Variants in SOX6 observed in about 807,000 individuals in gnomAD.
SOX6 encodes SRY-box transcription factor 6.
SOX6 carries 11 observed loss-of-function variants against 97.8 expected under a neutral mutation model. The ratio of observed to expected loss-of-function variants is 0.11; its 90% CI spans 0.07 to 0.19. The LOEUF (loss-of-function observed/expected upper bound fraction) is 0.19. Ranked by LOEUF, SOX6 falls within the 10% of genes least tolerant of loss-of-function variation. SOX6 has a pLI of 1.00. For missense variants in SOX6, 810 were observed against 1,039.5 expected (o/e 0.78, Z 3.04); for synonymous variants, 360 against 371.4 (o/e 0.97, Z 0.35).
chr11:16,347,808 A>T (rs1856810326), intron 1 of SOX6, among the ~76,000 whole-genome samples: 1 of 152,148 alleles, frequency 6.6e-6, no homozygotes. Flanking sequence ...CCAGAAAAAA[A>T]GAGAAAAATG....
intron 3 of SOX6, among the ~76,000 whole-genome samples, chr11:16,251,094 C>T (rs117977471): frequency 1.3e-5 from 2 of 151,986 alleles, no homozygotes; most frequent in Admixed American, 6.6e-5. Context: ...ATATTTCAAA[C>T]TGAGTTATAA....
intron 4 of SOX6, among the ~76,000 whole-genome samples, chr11:16,199,472 C>T (rs1218339575): frequency 6.6e-6 from 1 of 152,086 alleles, no homozygotes; most frequent in Non-Finnish European, 1.5e-5. Context: ...AGCTATGATT[C>T]CTAAGCCAGT....
At chr11:16,317,297 T>C (rs1855780885) in intron 3 of SOX6, 1 of 151,380 alleles carries the variant, frequency 6.6e-6, no homozygotes, top group Non-Finnish European at 1.5e-5. Context: ...TGTATAAGTT[T>C]ATAGTTAATA....
chr11:16,372,563 A>G (rs1857519447), intron 1 of SOX6, among the ~76,000 whole-genome samples: 1 of 152,220 alleles, frequency 6.6e-6, no homozygotes, highest in South Asian at 2.1e-4. Context: ...CTTCTCCAAA[A>G]CACCATTCAC....
At chr11:16,102,319 CT>C (rs1848968587) in intron 7 of SOX6, among the ~76,000 whole-genome samples, 1 of 151,840 alleles carries the variant, frequency 6.6e-6, no homozygotes, top group African/African-American at 2.4e-5. Flanking sequence ...ATATACCTAA[CT>C]AAAGATGTGA....
chr11:16,263,576 G>A (rs1385877417), intron 3 of SOX6, among the ~76,000 whole-genome samples: 2 of 151,906 alleles, frequency 1.3e-5, no homozygotes, highest in Non-Finnish European at 2.9e-5. Context: ...AAGTCTTCAA[G>A]TAACAGTGAC....
At chr11:16,405,183 A>G (rs1457270874) in intron 1 of SOX6, among the ~76,000 whole-genome samples, 1 of 151,992 alleles carries the variant, frequency 6.6e-6, no homozygotes, top group African/African-American at 2.4e-5. Context: ...TGCTAGTGGA[A>G]CATGAGAAGT....
intron 4 of SOX6, among the ~76,000 whole-genome samples, chr11:16,558,454 G>T (rs1432349443): frequency 6.6e-6 from 1 of 151,990 alleles, no homozygotes; most frequent in Non-Finnish European, 1.5e-5. Context: ...AGTGGAAAAG[G>T]TAATTTACAA....
At chr11:16,497,684 A>G (rs1191468625) in intron 4 of SOX6, among the ~76,000 whole-genome samples, 1 of 152,248 alleles carries the variant, frequency 6.6e-6, no homozygotes, top group Non-Finnish European at 1.5e-5. Flanking sequence ...AAGCCTAAGT[A>G]GCCGATTTGA....
At chr11:16,322,788 T>C (rs999987351) in intron 2 of SOX6, among the ~76,000 whole-genome samples, 3 of 152,172 alleles carry the variant, frequency 2.0e-5, no homozygotes, top group Admixed American at 1.3e-4. Context: ...CTTTAAGAAA[T>C]ACTGCTCCCT....
chr11:15,970,548 T>C lies in SOX6; in HGVS notation c.*2261A>G, dbSNP rs1186058212. On this transcript the variant is annotated 3_prime_UTR_variant, in exon 16 of 16. Transcript: ENST00000683767. ...ATCAAAGAAATCAGTAAGACAATAA[T>C]AAATACTCATTTTTTGAGAGAAAAA... 1.3e-5 allele frequency: 2 copies of C among 152,450 alleles called. No individual in the cohort carries two copies. The highest frequency in any genetic ancestry group is 4.8e-5 in the African/African-American group (2 of 41,396). The allele number at this position is 152,450 out of a possible 1,614,324, so 9.4% of individuals were successfully genotyped here.
At chr11:16,117,760 G>C (rs1849388670) in intron 6 of SOX6, among the ~76,000 whole-genome samples, 1 of 152,134 alleles carries the variant, frequency 6.6e-6, no homozygotes, top group South Asian at 2.1e-4. Flanking sequence ...ATCCCACTAT[G>C]AAGAATGTAA....
In SOX6 at chr11:16,119,634, A is replaced by G. The variant is rs1265339957; in HGVS notation, c.778-7711T>C. 3.3e-5 allele frequency among the ~76,000 whole-genome samples: 5 copies of G among 152,326 alleles called. No homozygotes were observed. The East Asian group carries it at 9.6e-4, about 29-fold the overall frequency. On this transcript the variant is annotated intron_variant, in intron 6 of 15. Coordinates refer to ENST00000683767, the MANE Select transcript of SOX6 (RefSeq NM_001367873.1). ...AAAACACAGTAAGTATTTTGTATTA[A>G]CTGATCAATGGCTGAGAGCCAACCA...
chr11:16,539,108 A>T (rs2133175678), intron 4 of SOX6, among the ~76,000 whole-genome samples: 1 of 152,360 alleles, frequency 6.6e-6, no homozygotes, highest in African/African-American at 2.4e-5. Flanking sequence ...AAAGAACAGA[A>T]ATCACAACAA....
At chr11:16,347,156 A>G (rs1856794777) in intron 1 of SOX6, among the ~76,000 whole-genome samples, 1 of 152,120 alleles carries the variant, frequency 6.6e-6, no homozygotes, top group South Asian at 2.1e-4. Context: ...TGGAAGAGAC[A>G]GGCAGCCAGC....
chr11:16,035,583 T>C (rs1855498334), intron 12 of SOX6, among the ~76,000 whole-genome samples: 1 of 152,170 alleles, frequency 6.6e-6, no homozygotes, highest in African/African-American at 2.4e-5. Flanking sequence ...TGAAATCTAT[T>C]TTTAAAAATT....
chr11:16,549,266 T>C (rs2133183324), intron 4 of SOX6, among the ~76,000 whole-genome samples: 1 of 152,018 alleles, frequency 6.6e-6, no homozygotes, highest in South Asian at 2.1e-4. Flanking sequence ...GCCTCCCGGG[T>C]TCAAGGGATT....
intron 4 of SOX6, among the ~76,000 whole-genome samples, chr11:16,494,931 T>C (rs1590222799): frequency 6.6e-6 from 1 of 152,124 alleles, no homozygotes; most frequent in African/African-American, 2.4e-5. Context: ...TCTCACACAC[T>C]GCCCCAAGTC....
chr11:16,670,544 A>C (rs1447625738), intron 3 of SOX6, among the ~76,000 whole-genome samples: 1 of 152,110 alleles, frequency 6.6e-6, no homozygotes, highest in Non-Finnish European at 1.5e-5. Context: ...TGCTTTATTC[A>C]CACCTCCAAC....
Sources: gnomAD v4.1 joint callset for allele counts (sites outside exome capture counted in the v4.1 genomes callset) on GRCh38, gnomAD v4.1.1 for gene constraint, MANE v1.5 for transcripts, NCBI Gene and HGNC (gene_info 2026-07-23, HGNC 2026-07-21) for gene names.